The following FER1L6 variants were observed in gnomAD, a reference collection of about 807,000 sequenced individuals.
The protein encoded by FER1L6 is fer-1-like protein 6.
Under a neutral mutation model 219.2 loss-of-function variants are expected in FER1L6, and 177 were observed. The observed-to-expected ratio is 0.81, with a 90% CI of 0.71 to 0.91. The LOEUF (loss-of-function observed/expected upper bound fraction) is 0.91. Ranked by LOEUF, FER1L6 falls within the 40% of genes least tolerant of loss-of-function variation. The probability of loss-of-function intolerance (pLI) is 0.00; values close to 1 mark genes in which losing one functional copy is unlikely to be tolerated. For synonymous variants in FER1L6, 768 were observed against 824.3 expected (o/e 0.93, Z 1.17); for missense variants, 2,153 against 2,259.9 (o/e 0.95, Z 0.96).
rs762512675 is a variant in FER1L6, at chr8:124,118,919, G to A, written c.5365G>A (p.Glu1789Lys). The A allele has an allele frequency of 7.4e-6, 12 of 1,613,768 alleles. No individual in the cohort carries two copies. The highest frequency in any genetic ancestry group is 3.3e-4 in the Middle Eastern group (2 of 6,052). ...AAATCCTGTTGGAAAAGCCCGAAAG[G>A]AGCCAGAGCCCCTGGCCAAGCCCAA... is the stretch of plus-strand genomic sequence containing the variant. ...EKNPVGKARK[E>K]PEPLAKPNRP... The change falls in exon 40 of 41, where the codon GAG becomes AAG. Residue 1789 changes from glutamate (E) to lysine (K), a missense_variant. Transcript: ENST00000522917.
At chr8:124,096,727 G>C (rs1249871172) in intron 35 of FER1L6, among the ~76,000 whole-genome samples, 1 of 152,046 alleles carries the variant, frequency 6.6e-6, no homozygotes, top group Non-Finnish European at 1.5e-5. Context: ...TCCTGGCTGG[G>C]GTGAACATTA....
chr8:123,992,832 T>C (rs1816926592), intron 12 of FER1L6, among the ~76,000 whole-genome samples: 1 of 152,216 alleles, frequency 6.6e-6, no homozygotes, highest in South Asian at 2.1e-4. Flanking sequence ...GACTTTTTGA[T>C]GTAGGCATTT....
chr8:123,892,267 G>GA (rs35116521), intron 1 of FER1L6, among the ~76,000 whole-genome samples: 1 of 151,824 alleles, frequency 6.6e-6, no homozygotes, highest in Admixed American at 6.6e-5. Context: ...GGGTAAATGG[G>GA]AAAAAAGAGG....
chr8:123,862,895 A>G (rs1431418132), intron 1 of FER1L6, among the ~76,000 whole-genome samples: 6 of 146,406 alleles, frequency 4.1e-5, no homozygotes, highest in Non-Finnish European at 7.4e-5. Context: ...TCTTGCTAGC[A>G]GTCTATCAAT....
At chr8:124,004,746 C>A (rs1817582934) in intron 13 of FER1L6, among the ~76,000 whole-genome samples, 1 of 152,130 alleles carries the variant, frequency 6.6e-6, no homozygotes, top group African/African-American at 2.4e-5. Context: ...TGCGTGTAAT[C>A]CCAGCACTTT....
chr8:123,890,613 A>C (rs1021694713), intron 1 of FER1L6, among the ~76,000 whole-genome samples: 6 of 123,464 alleles, frequency 4.9e-5, no homozygotes, highest in African/African-American at 1.9e-4. Flanking sequence ...CACACTAGCC[A>C]TTAAAAATTT....
At chr8:124,001,117 C>G (rs1817390735) in intron 12 of FER1L6, among the ~76,000 whole-genome samples, 1 of 152,178 alleles carries the variant, frequency 6.6e-6, no homozygotes. Flanking sequence ...AGAACTTGCC[C>G]ATAGGCAGTA....
chr8:124,041,976 A>G (rs1035098992), intron 20 of FER1L6, among the ~76,000 whole-genome samples: 4 of 152,218 alleles, frequency 2.6e-5, no homozygotes, highest in African/African-American at 9.6e-5. Flanking sequence ...TACCCAGGAC[A>G]GTACCTTGCT....
intron 20 of FER1L6, among the ~76,000 whole-genome samples, chr8:124,041,361 CATT>C (rs1157335110): frequency 6.6e-6 from 1 of 152,220 alleles, no homozygotes; most frequent in African/African-American, 2.4e-5. Flanking sequence ...AGAGGGCTAA[CATT>C]GTTCTCCAGG....
At chr8:123,984,581 C>T (rs1816475334) in intron 11 of FER1L6, 1 of 152,074 alleles carries the variant, frequency 6.6e-6, no homozygotes, top group Non-Finnish European at 1.5e-5. Flanking sequence ...TAAACTCAGC[C>T]TCAGGAAGGT....
Position 124,082,326 on chromosome 8 carries a change from T to G in FER1L6, c.4259T>G (p.Leu1420Arg). ...CAAGCCACATTCCCAAAAGAGTCCC[T>G]GCTCTCCATCCTGATCTATGACCAT... ...EIQATFPKES[L>R]LSILIYDHDM... The change falls in exon 33 of 41, where the codon CTG becomes CGG. Residue 1420 changes from leucine to arginine, a missense_variant. Transcript: ENST00000522917. 1.2e-6 allele frequency: 2 copies of G among 1,613,892 alleles called. No individual in the cohort carries two copies. Among genetic ancestry groups the G allele is most frequent in the Non-Finnish European group, 1.7e-6 (2 of 1,179,860 alleles).
intron 1 of FER1L6, among the ~76,000 whole-genome samples, chr8:123,947,724 G>A (rs558825656): frequency 5.7e-4 from 87 of 152,302 alleles, no homozygotes; most frequent in African/African-American, 2.0e-3. Context: ...GTTTTTTCAA[G>A]TAGCTGTAAT....
chr8:123,967,573 A>G (rs963571592), intron 5 of FER1L6, among the ~76,000 whole-genome samples: 4 of 152,254 alleles, frequency 2.6e-5, no homozygotes, highest in African/African-American at 7.2e-5. Flanking sequence ...GTAACAATTT[A>G]TACTCAAATG....
chr8:124,002,321 G>A (rs1817448512), intron 12 of FER1L6, among the ~76,000 whole-genome samples: 1 of 152,218 alleles, frequency 6.6e-6, no homozygotes, highest in Non-Finnish European at 1.5e-5. Flanking sequence ...CAGGGAGACA[G>A]AGTAGTGACA....
chr8:123,952,867 A>G (rs1432051451), intron 1 of FER1L6, among the ~76,000 whole-genome samples: 1 of 152,186 alleles, frequency 6.6e-6, no homozygotes, highest in Admixed American at 6.5e-5. Context: ...GAATATTGTG[A>G]CACTTTGTAG....
rs1432137411 is a variant in FER1L6, at chr8:123,865,655, C to T, written c.-8+13470C>T. 2.2e-3 allele frequency among the ~76,000 whole-genome samples: 333 copies of T among 151,298 alleles called. 24 individuals carry two copies. Among genetic ancestry groups the T allele is most frequent in the African/African-American group, 7.6e-3 (307 of 40,626 alleles). On this transcript the variant is annotated intron_variant, in intron 1 of 40. Transcript: ENST00000522917. The stretch of plus-strand genomic sequence containing the variant: ...GAGATTCCGTGGGCGTAGGACCCTC[C>T]GAGCCAGGTGTGGGATATAGTCTCG...
chr8:123,881,840 C>T (rs1403215057), intron 1 of FER1L6, among the ~76,000 whole-genome samples: 1 of 152,122 alleles, frequency 6.6e-6, no homozygotes, highest in Non-Finnish European at 1.5e-5. Context: ...CAAAAGGAGT[C>T]ACAGGACTCC....
At chr8:124,070,866 C>T (rs895038717) in intron 30 of FER1L6, among the ~76,000 whole-genome samples, 3 of 152,140 alleles carry the variant, frequency 2.0e-5, no homozygotes, top group Admixed American at 6.5e-5. Flanking sequence ...ACTTTGTTCT[C>T]TCCCCTCCGG....
chr8:124,102,940 A>G (rs1410001060), intron 38 of FER1L6, among the ~76,000 whole-genome samples: 1 of 152,216 alleles, frequency 6.6e-6, no homozygotes, highest in Non-Finnish European at 1.5e-5. Context: ...TCTACCTGCT[A>G]CCATGTGATT....
Sources: gnomAD v4.1 joint callset for allele counts (sites outside exome capture counted in the v4.1 genomes callset) on GRCh38, gnomAD v4.1.1 for gene constraint, MANE v1.5 for transcripts, NCBI Gene and HGNC (gene_info 2026-07-23, HGNC 2026-07-21) for gene names.